DPP6: variants seen among roughly 807,000 people sequenced by gnomAD.
DPP6 encodes the protein A-type potassium channel modulatory protein DPP6.
DPP6 carries 69 observed loss-of-function variants against 122.6 expected under a neutral mutation model. That is an observed-to-expected ratio of 0.56 (90% CI 0.46 to 0.69). The LOEUF (loss-of-function observed/expected upper bound fraction) is 0.69, where lower values mean the gene tolerates loss of function less well. Ranked by LOEUF, DPP6 falls within the 30% of genes least tolerant of loss-of-function variation. The probability of loss-of-function intolerance (pLI) is 0.00; values close to 1 mark genes in which losing one functional copy is unlikely to be tolerated. For synonymous variants in DPP6, 418 were observed against 433.1 expected (o/e 0.97, Z 0.43); for missense variants, 928 against 1,116.9 (o/e 0.83, Z 2.41).
chr7:153,996,607 G>C (rs1249853501), intron 1 of DPP6, among the ~76,000 whole-genome samples: 3 of 151,480 alleles, frequency 2.0e-5, no homozygotes, highest in Admixed American at 1.3e-4. Context: ...GACTGGAAAA[G>C]TACACACCAG....
At chr7:154,046,403 G>A (rs58323940) in intron 1 of DPP6, among the ~76,000 whole-genome samples, 9,122 of 152,238 alleles carry the variant, frequency 0.06, 315 homozygotes, top group East Asian at 0.1. Flanking sequence ...TCCCTGCAGG[G>A]GGCATGGGGT....
chr7:154,826,838 G>A (rs889030806), intron 16 of DPP6, among the ~76,000 whole-genome samples: 2 of 152,148 alleles, frequency 1.3e-5, no homozygotes, highest in African/African-American at 4.8e-5. Flanking sequence ...CTGGCTAAAT[G>A]TTACATCTGC....
At chr7:153,752,125 C>T in the DPP6 span, among the ~76,000 whole-genome samples, 1 of 152,154 alleles carries the variant, frequency 6.6e-6, no homozygotes, top group Non-Finnish European at 1.5e-5. Flanking sequence ...CGCAGCAGGA[C>T]CTGCCACACA....
At chr7:154,299,215 G>T (rs1805741513) in intron 1 of DPP6, among the ~76,000 whole-genome samples, 1 of 152,202 alleles carries the variant, frequency 6.6e-6, no homozygotes, top group Non-Finnish European at 1.5e-5. Flanking sequence ...TGCTGGCGTT[G>T]GGTTGCCCAC....
chr7:153,823,406 C>A, the DPP6 span, among the ~76,000 whole-genome samples: 1 of 145,240 alleles, frequency 6.9e-6, no homozygotes, highest in Non-Finnish European at 1.5e-5. Context: ...CCAGTTCAGC[C>A]AATGGAAGTC....
intron 16 of DPP6, among the ~76,000 whole-genome samples, chr7:154,812,301 G>A (rs1799112363): frequency 6.6e-6 from 1 of 152,172 alleles, no homozygotes; most frequent in African/African-American, 2.4e-5. Flanking sequence ...GGTAAGTTTA[G>A]CTGATATTGA....
intron 1 of DPP6, among the ~76,000 whole-genome samples, chr7:154,318,606 C>G (rs2151013105): frequency 6.6e-6 from 1 of 152,246 alleles, no homozygotes; most frequent in East Asian, 1.9e-4. Context: ...TAAAGATGTC[C>G]CAGTTCACAC....
At chr7:154,601,167 G>A (rs1182685718) in intron 5 of DPP6, among the ~76,000 whole-genome samples, 2 of 121,112 alleles carry the variant, frequency 1.7e-5, no homozygotes, top group African/African-American at 2.6e-5. Flanking sequence ...ATGCGTCCAG[G>A]GTCTTGAAGG....
chr7:154,083,084 C>T (rs1475805533), intron 1 of DPP6, among the ~76,000 whole-genome samples: 2 of 151,978 alleles, frequency 1.3e-5, no homozygotes, highest in Admixed American at 6.5e-5. Flanking sequence ...CTCCTGACCT[C>T]GTGATCCGCC....
the DPP6 span, among the ~76,000 whole-genome samples, chr7:153,778,528 A>G: frequency 6.7e-6 from 1 of 150,076 alleles, no homozygotes. Flanking sequence ...TAATTTGTAT[A>G]GAGTAAAATA....
At chr7:154,140,236 C>T (rs1301453360) in intron 1 of DPP6, among the ~76,000 whole-genome samples, 1 of 152,168 alleles carries the variant, frequency 6.6e-6, no homozygotes, top group Non-Finnish European at 1.5e-5. Flanking sequence ...AGAAAAGGGC[C>T]ATATCTGATT....
At chr7:154,780,602 G>A (rs1213141321) in intron 10 of DPP6, among the ~76,000 whole-genome samples, 1 of 152,232 alleles carries the variant, frequency 6.6e-6, no homozygotes, top group African/African-American at 2.4e-5. Context: ...GGTTTGCCAA[G>A]GCAGAGTCAC....
At chr7:154,207,927 C>CCA in intron 1 of DPP6, among the ~76,000 whole-genome samples, 1 of 151,206 alleles carries the variant, frequency 6.6e-6, no homozygotes, top group East Asian at 1.9e-4. Context: ...TGCACTCCAG[C>CCA]CTGGGCAACA....
intron 16 of DPP6, among the ~76,000 whole-genome samples, chr7:154,817,882 C>A (rs1389587561): frequency 6.6e-6 from 1 of 151,142 alleles, no homozygotes; most frequent in Non-Finnish European, 1.5e-5. Context: ...CATGAATGTC[C>A]TGATTGATTA....
At chr7:154,462,612 A>G (rs528315102) in intron 2 of DPP6, among the ~76,000 whole-genome samples, 1 of 151,550 alleles carries the variant, frequency 6.6e-6, no homozygotes, top group African/African-American at 2.4e-5. Context: ...ATTTTATTTT[A>G]TTTGCAGTGA....
intron 1 of DPP6, among the ~76,000 whole-genome samples, chr7:154,252,209 G>A (rs993179868): frequency 8.1e-5 from 11 of 135,312 alleles, no homozygotes; most frequent in African/African-American, 3.4e-4. Flanking sequence ...GCCTCACAAT[G>A]TCACGTGTGT....
intron 6 of DPP6, among the ~76,000 whole-genome samples, chr7:154,660,568 G>A (rs1209489672): frequency 1.4e-5 from 2 of 140,550 alleles, no homozygotes; most frequent in Non-Finnish European, 3.0e-5. Flanking sequence ...AATCACCATG[G>A]CGTATCGGCC....
At chr7:153,946,698 T>C (rs575331030) in intron 1 of DPP6, among the ~76,000 whole-genome samples, 4 of 152,230 alleles carry the variant, frequency 2.6e-5, no homozygotes, top group Admixed American at 2.6e-4. Flanking sequence ...CAAACGCCTC[T>C]GACATAGCTG....
Position 154,797,808 on chromosome 7 carries a change from G to A in DPP6, c.1299+1925G>A, listed in dbSNP as rs144088642. 8.7e-4 allele frequency among the ~76,000 whole-genome samples: 132 copies of A among 152,272 alleles called. 1 individual carries two copies. In the Middle Eastern group the frequency reaches 0.02, roughly 24 times the overall value. ...TGTGTTATGGGAATTTTACCTCAAC[G>A]ATTTTTTAAAAAATTAATAAGCTAG... On this transcript the variant is annotated intron_variant, in intron 12 of 25. Coordinates refer to ENST00000377770, the MANE Select transcript of DPP6 (RefSeq NM_130797.4).
Sources: allele counts gnomAD v4.1 joint callset (sites outside exome capture counted in the v4.1 genomes callset), GRCh38; gene constraint gnomAD v4.1.1; transcripts MANE v1.5; gene names NCBI Gene and HGNC (gene_info 2026-07-23, HGNC 2026-07-21).